The following CHD6 variants were observed in gnomAD, a reference collection of about 807,000 sequenced individuals.
CHD6 encodes ATP-dependent chromatin remodeler CHD6.
A neutral mutation model predicts 276.9 loss-of-function variants in CHD6; 50 were observed. That is an observed-to-expected ratio of 0.18 (90% CI 0.14 to 0.23). CHD6 has a LOEUF of 0.23. Ranked by LOEUF, CHD6 falls within the 10% of genes least tolerant of loss-of-function variation. CHD6 has a pLI of 1.00. For synonymous variants in CHD6, 1,173 were observed against 1,229.3 expected (o/e 0.95, Z 0.96); for missense variants, 2,564 against 3,365.8 (o/e 0.76, Z 5.89).
chr20:41,453,739 C>T (rs2048309965), intron 20 of CHD6, among the ~76,000 whole-genome samples: 3 of 152,326 alleles, frequency 2.0e-5, no homozygotes, highest in African/African-American at 7.2e-5. Context: ...ACAGTAGCTT[C>T]TTGATTGCGA....
Position 41,411,010 on chromosome 20 carries a change from G to A in CHD6, c.7251+1134C>T, listed in dbSNP as rs534434694. Among the ~76,000 whole-genome samples the A allele has an allele frequency of 3.5e-4, 53 of 152,266 alleles. 1 individual carries two copies. The highest frequency in any genetic ancestry group is 1.2e-3 in the African/African-American group (51 of 41,542). ...AGGTGAACTAGCTCGTACTGCTCAC[G>A]CAAGTGGAAGAAAGTGAGGGAAGAG... On this transcript the variant is annotated intron_variant, in intron 36 of 36. Coordinates refer to ENST00000373233, the MANE Select transcript of CHD6 (RefSeq NM_032221.5).
Position 41,530,725 on chromosome 20 carries a change from T to C in CHD6, c.554+2325A>G, listed in dbSNP as rs376264708. Among the ~76,000 whole-genome samples the C allele has an allele frequency of 8.9e-4, 136 of 152,334 alleles. 1 individual carries two copies. The highest frequency in any genetic ancestry group is 3.0e-3 in the African/African-American group (123 of 41,576). On this transcript the variant is annotated intron_variant, in intron 3 of 36. Transcript: ENST00000373233. ...AACCAGTCCAGAACCCTGGAGTACA[T>C]AGAAGAATTCTATTATGTTACAGAT...
Position 41,421,093 on chromosome 20 carries a change from A to G in CHD6, c.5542T>C (p.Leu1848=), listed in dbSNP as rs112119304. The G allele has an allele frequency of 4.8e-5, 77 of 1,614,134 alleles. 3 individuals are homozygous for G. Among genetic ancestry groups the G allele is most frequent in the African/African-American group, 4.3e-4 (32 of 75,036 alleles). ...LSSDQQLIDL[L]ENKSLESKLI... is the part of the protein sequence containing the mutation. ...TTACTTTCTAAGCTTTTGTTTTCCA[A>G]TAAATCAATTAATTGCTGATCTGAT... Residue 1848 remains leucine (L), a synonymous_variant, in exon 31 of 37, where the codon TTG becomes CTG. Coordinates refer to ENST00000373233, the MANE Select transcript of CHD6 (RefSeq NM_032221.5).
At chr20:41,539,669 A>G (rs2044902621) in intron 2 of CHD6, among the ~76,000 whole-genome samples, 1 of 152,242 alleles carries the variant, frequency 6.6e-6, no homozygotes, top group Admixed American at 6.5e-5. Context: ...TTAATTGTGG[A>G]TATCCTTTTA....
chr20:41,541,178 T>C (rs2044935216), intron 2 of CHD6, among the ~76,000 whole-genome samples: 1 of 152,232 alleles, frequency 6.6e-6, no homozygotes, highest in Non-Finnish European at 1.5e-5. Flanking sequence ...TGTGCATTTG[T>C]ATGTCTCTTT....
chr20:41,450,415 C>T (rs756543499), intron 23 of CHD6, among the ~76,000 whole-genome samples: 4 of 152,026 alleles, frequency 2.6e-5, no homozygotes, highest in Non-Finnish European at 5.9e-5. Flanking sequence ...CCCCAAGTCC[C>T]CAAGACTAAA....
intron 24 of CHD6, among the ~76,000 whole-genome samples, chr20:41,446,433 T>C (rs1026652191): frequency 5.7e-5 from 7 of 123,560 alleles, no homozygotes; most frequent in African/African-American, 3.1e-4. Context: ...AGCCCCTCTC[T>C]GAGTTTCTGT....
At chr20:41,487,872 G>C (rs947429939) in intron 13 of CHD6, 64 bp from the exon 14 acceptor site, 1 of 1,543,918 alleles carries the variant, frequency 6.5e-7, no homozygotes, top group South Asian at 1.2e-5. Context: ...ATTTTCGTGG[G>C]GAAAATTAAG....
intron 1 of CHD6, among the ~76,000 whole-genome samples, chr20:41,567,702 G>A (rs939024876): frequency 6.6e-6 from 1 of 152,144 alleles, no homozygotes; most frequent in Non-Finnish European, 1.5e-5. Context: ...CTCTTAACGT[G>A]CCTGGGCTCT....
Position 41,473,774 on chromosome 20 carries a change from A to G in CHD6, c.2469-257T>C, listed in dbSNP as rs2043112543. Among the ~76,000 whole-genome samples, 1 of 152,194 alleles carries G rather than the reference A, an allele frequency of 6.6e-6. No homozygotes were observed. The highest frequency in any genetic ancestry group is 1.5e-5 in the Non-Finnish European group (1 of 68,036). ...AACAAAGCAAAAAAAAACCAGCTGT[A>G]AACTAAGAAGGACTAGAAGAATTAA... On this transcript the variant is annotated intron_variant, in intron 16 of 36. Coordinates refer to ENST00000373233, the MANE Select transcript of CHD6 (RefSeq NM_032221.5). The surrounding 1 kb of genome is among the most constrained non-coding windows in gnomAD (Gnocchi z 4.1).
In CHD6 at chr20:41,440,078, T is replaced by C. The variant is rs772876464; in HGVS notation, c.3929A>G (p.Glu1310Gly). 6.2e-7 allele frequency: 1 copy of C among 1,614,012 alleles called. No individual in the cohort carries two copies. ...MRADPALCFL[E>G]KVGMPDEKSL... ...CTTCTCATCGGGCATCCCAACTTTC[T>C]CCAGGAAGCAAAGTGCTGGGTCTGC... The change falls in exon 26 of 37, where the codon GAG (glutamate) becomes GGG (glycine). Residue 1310 changes from glutamate to glycine, a missense_variant. Around this residue, in one of 7 missense-constraint regions of CHD6, gnomAD observed 515 missense variants for 739.5 expected, o/e 0.70. Transcript: ENST00000373233.
chr20:41,410,996 C>T (rs1254422911), intron 36 of CHD6, among the ~76,000 whole-genome samples: 3 of 152,104 alleles, frequency 2.0e-5, no homozygotes, highest in Non-Finnish European at 4.4e-5. Context: ...GGTGAACTAG[C>T]TCGTACTGCT....
intron 5 of CHD6, among the ~76,000 whole-genome samples, chr20:41,505,193 ATATCT>A (rs1343105271): frequency 6.6e-6 from 1 of 152,168 alleles, no homozygotes; most frequent in Admixed American, 6.5e-5. Flanking sequence ...AGTCCGACAA[ATATCT>A]TAAGCAAGAG....
chr20:41,449,238 A>T (rs1298001243), intron 23 of CHD6, among the ~76,000 whole-genome samples: 1 of 152,162 alleles, frequency 6.6e-6, no homozygotes, highest in Non-Finnish European at 1.5e-5. Flanking sequence ...AGCCCAGAGA[A>T]TAAGAACTCT....
intron 5 of CHD6, 21 bp downstream of exon 5, chr20:41,512,825 A>G: frequency 1.2e-6 from 2 of 1,613,742 alleles, no homozygotes; most frequent in Non-Finnish European, 1.7e-6. Flanking sequence ...CAAGGTCAGT[A>G]ACCTCATGCA....
chr20:41,606,570 G>A (rs892934824), intron 1 of CHD6, among the ~76,000 whole-genome samples: 1 of 151,974 alleles, frequency 6.6e-6, no homozygotes, highest in Non-Finnish European at 1.5e-5. Flanking sequence ...AGCTACTCAG[G>A]AGGCTGAGGC....
intron 2 of CHD6, among the ~76,000 whole-genome samples, chr20:41,545,019 A>C (rs150081265): frequency 6.6e-6 from 1 of 152,112 alleles, no homozygotes; most frequent in Non-Finnish European, 1.5e-5. Flanking sequence ...ATAATAACTA[A>C]TAAGTTCTGG....
intron 17 of CHD6, among the ~76,000 whole-genome samples, chr20:41,469,000 A>G (rs992388256): frequency 3.9e-5 from 6 of 152,186 alleles, no homozygotes; most frequent in Non-Finnish European, 7.3e-5. Context: ...TTCTGAAAAC[A>G]TAAAATTAGG....
At chr20:41,471,694 G>C (rs1275842509) in intron 17 of CHD6, among the ~76,000 whole-genome samples, 4 of 151,496 alleles carry the variant, frequency 2.6e-5, no homozygotes, top group Non-Finnish European at 5.9e-5. Flanking sequence ...CACCACGCCT[G>C]GCTAATTTTT....
Sources: gnomAD v4.1 joint callset for allele counts (sites outside exome capture counted in the v4.1 genomes callset) on GRCh38, gnomAD v4.1.1 for gene constraint, gnomAD v4.1.1 regional missense constraint, Gnocchi (gnomAD v3.1) non-coding constraint, MANE v1.5 for transcripts, NCBI Gene and HGNC (gene_info 2026-07-23, HGNC 2026-07-21) for gene names.